The following CCSER1 variants were observed in gnomAD, a reference collection of about 807,000 sequenced individuals.
CCSER1 encodes the protein serine-rich coiled-coil domain-containing protein 1.
In CCSER1, 41 loss-of-function variants were observed where a neutral mutation model predicts 82.0. That is an observed-to-expected ratio of 0.50 (90% CI 0.39 to 0.65). The LOEUF (loss-of-function observed/expected upper bound fraction) is 0.65, where lower values mean the gene tolerates loss of function less well. CCSER1 is among the 30% of genes least tolerant of loss of function. CCSER1 has a pLI of 0.00. For missense variants in CCSER1, 1,119 were observed against 1,064.2 expected (o/e 1.05, Z -0.72); for synonymous variants, 414 against 383.9 (o/e 1.08, Z -0.92).
At chr4:90,491,565 T>A (rs903348602) in intron 5 of CCSER1, among the ~76,000 whole-genome samples, 5 of 151,948 alleles carry the variant, frequency 3.3e-5, no homozygotes, top group African/African-American at 1.2e-4. Flanking sequence ...TGAATAGGAG[T>A]GGTGAGAGAG....
At chr4:91,406,451 C>T (rs1414174235) in intron 10 of CCSER1, among the ~76,000 whole-genome samples, 1 of 152,084 alleles carries the variant, frequency 6.6e-6, no homozygotes, top group East Asian at 1.9e-4. Context: ...TAATAGCCAT[C>T]TTGCCAATTG....
intron 1 of CCSER1, among the ~76,000 whole-genome samples, chr4:90,221,756 A>T (rs746048651): frequency 3.9e-5 from 6 of 152,158 alleles, no homozygotes; most frequent in Non-Finnish European, 8.8e-5. Flanking sequence ...CAGCGGAAGT[A>T]GGAATGAGTT....
intron 10 of CCSER1, among the ~76,000 whole-genome samples, chr4:91,166,809 T>A (rs1732132759): frequency 6.6e-6 from 1 of 152,212 alleles, no homozygotes; most frequent in South Asian, 2.1e-4. Context: ...TTCATTTATT[T>A]GCTTTAATTT....
At chr4:90,907,256 A>T (rs1725626627) in intron 8 of CCSER1, among the ~76,000 whole-genome samples, 1 of 152,116 alleles carries the variant, frequency 6.6e-6, no homozygotes, top group South Asian at 2.1e-4. Flanking sequence ...TTTATAGATG[A>T]ATAAAAGTGA....
chr4:90,795,103 A>G (rs923711234), intron 7 of CCSER1, among the ~76,000 whole-genome samples: 4 of 152,102 alleles, frequency 2.6e-5, no homozygotes, highest in African/African-American at 9.7e-5. Flanking sequence ...AGCCTGGCCA[A>G]CATGGTGAAA....
At chr4:91,285,060 A>T (rs1743180999) in intron 10 of CCSER1, among the ~76,000 whole-genome samples, 1 of 152,066 alleles carries the variant, frequency 6.6e-6, no homozygotes, top group African/African-American at 2.4e-5. Context: ...GTTTAGATAT[A>T]TTAAAACTCC....
chr4:91,006,644 C>G (rs913668955), intron 9 of CCSER1, among the ~76,000 whole-genome samples: 7 of 152,180 alleles, frequency 4.6e-5, no homozygotes, highest in African/African-American at 1.7e-4. Flanking sequence ...TGCCCACCAC[C>G]ATGTCCGGCT....
At chr4:90,382,173 A>T (rs1344320223) in intron 3 of CCSER1, among the ~76,000 whole-genome samples, 1 of 152,138 alleles carries the variant, frequency 6.6e-6, no homozygotes, top group Admixed American at 6.5e-5. Flanking sequence ...GTTAGCAAAC[A>T]TGCCAAACTA....
intron 5 of CCSER1, among the ~76,000 whole-genome samples, chr4:90,552,519 G>T (rs556823531): frequency 6.6e-6 from 1 of 151,640 alleles, no homozygotes; most frequent in Non-Finnish European, 1.5e-5. Flanking sequence ...GTGCAGAGGC[G>T]CAATTTCAGC....
intron 5 of CCSER1, among the ~76,000 whole-genome samples, chr4:90,584,811 A>G (rs779104577): frequency 6.6e-6 from 1 of 152,186 alleles, no homozygotes; most frequent in African/African-American, 2.4e-5. Context: ...TTTTAAATTT[A>G]AACTCTCAAG....
intron 10 of CCSER1, among the ~76,000 whole-genome samples, chr4:91,251,561 A>G (rs1208553838): frequency 6.6e-6 from 1 of 152,180 alleles, no homozygotes; most frequent in African/African-American, 2.4e-5. Context: ...GCATATATAT[A>G]TATGTAAAAT....
intron 10 of CCSER1, among the ~76,000 whole-genome samples, chr4:91,581,373 C>T (rs1340837832): frequency 6.6e-6 from 1 of 151,646 alleles, no homozygotes; most frequent in African/African-American, 2.4e-5. Context: ...ATTAGTTGAT[C>T]AATAGGAGCA....
At chr4:90,352,586 C>T (rs188716630) in intron 3 of CCSER1, among the ~76,000 whole-genome samples, 80 of 151,890 alleles carry the variant, frequency 5.3e-4, no homozygotes, top group African/African-American at 1.8e-3. Flanking sequence ...CACTTGAACC[C>T]AGGAGGCAAA....
chr4:90,238,091 G>A (rs1016743913), intron 1 of CCSER1, among the ~76,000 whole-genome samples: 1 of 152,160 alleles, frequency 6.6e-6, no homozygotes, highest in Non-Finnish European at 1.5e-5. Context: ...ATTAATCCCA[G>A]GGTGCTGATA....
intron 1 of CCSER1, among the ~76,000 whole-genome samples, chr4:90,274,085 TG>T (rs1486621944): frequency 3.3e-5 from 5 of 152,212 alleles, no homozygotes; most frequent in Admixed American, 3.3e-4. Flanking sequence ...TACTCATGTA[TG>T]TTTGTGAGAC....
At chr4:91,480,184 A>G (rs998210277) in intron 10 of CCSER1, among the ~76,000 whole-genome samples, 3 of 151,902 alleles carry the variant, frequency 2.0e-5, no homozygotes, top group Non-Finnish European at 4.4e-5. Flanking sequence ...GCTATTGTGA[A>G]TAATGCCGCA....
At chr4:90,571,754 A>G (rs957957204) in intron 5 of CCSER1, among the ~76,000 whole-genome samples, 1 of 152,156 alleles carries the variant, frequency 6.6e-6, no homozygotes, top group Non-Finnish European at 1.5e-5. Flanking sequence ...AAATTAAAAT[A>G]AATAACACAA....
At chr4:90,349,283 A>C (rs1307545374) in intron 3 of CCSER1, among the ~76,000 whole-genome samples, 1 of 152,160 alleles carries the variant, frequency 6.6e-6, no homozygotes, top group Non-Finnish European at 1.5e-5. Flanking sequence ...AACTCAGGTA[A>C]ATACGTGGCA....
intron 9 of CCSER1, among the ~76,000 whole-genome samples, chr4:91,017,893 A>C (rs1235910817): frequency 6.6e-6 from 1 of 151,840 alleles, no homozygotes; most frequent in Admixed American, 6.6e-5. Context: ...AATAACAATC[A>C]TAGCTCACTG....
Sources: allele counts gnomAD v4.1 joint callset (sites outside exome capture counted in the v4.1 genomes callset), GRCh38; gene constraint gnomAD v4.1.1; transcripts MANE v1.5; gene names NCBI Gene and HGNC (gene_info 2026-07-23, HGNC 2026-07-21).